Variants in PLAAT2 observed in about 807,000 individuals in gnomAD.
PLAAT2 encodes the protein HRAS like suppressor 2.
Under a neutral mutation model 12.8 loss-of-function variants are expected in PLAAT2, and 12 were observed. The observed-to-expected ratio is 0.94, with a 90% CI of 0.60 to 1.52. PLAAT2 has a LOEUF of 1.52. Among genes scored for constraint, PLAAT2 ranks in the 40% most tolerant of loss-of-function variants. The pLI, the probability that PLAAT2 is intolerant of heterozygous loss-of-function variation, is 0.00. For missense variants in PLAAT2, 166 were observed against 208.1 expected, an observed-to-expected ratio of 0.80 and a Z score of 1.24; for synonymous variants, 79 against 86.8, an observed-to-expected ratio of 0.91 and a Z score of 0.50.
upstream of PLAAT2, among the ~76,000 whole-genome samples, chr11:63,563,715 C>CAAAAAAAA (rs35852892): frequency 5.3e-5 from 3 of 56,112 alleles, no homozygotes; most frequent in Non-Finnish European, 1.1e-4. Flanking sequence ...GAGACTCAGT[C>CAAAAAAAA]AAAAAAAAAA....
intron 2 of PLAAT2, among the ~76,000 whole-genome samples, chr11:63,559,865 C>G (rs537915434): frequency 6.6e-6 from 1 of 152,214 alleles, no homozygotes; most frequent in African/African-American, 2.4e-5. Flanking sequence ...CAGACTGAAC[C>G]CCACTCTATA....
intron 3 of PLAAT2, among the ~76,000 whole-genome samples, chr11:63,558,097 G>A (rs561841158): frequency 3.1e-4 from 47 of 152,222 alleles, no homozygotes; most frequent in African/African-American, 9.6e-4. Context: ...TTCCCCATCT[G>A]TAAAGTGGGA....
chr11:63,556,085 G>C (rs61929706), intron 3 of PLAAT2, among the ~76,000 whole-genome samples: 2 of 152,208 alleles, frequency 1.3e-5, no homozygotes, highest in Non-Finnish European at 2.9e-5. Flanking sequence ...TCATCTATTA[G>C]AGCAGGGGCT....
chr11:63,563,726 A>C (rs1046744956), upstream of PLAAT2, among the ~76,000 whole-genome samples: 2 of 151,678 alleles, frequency 1.3e-5, no homozygotes, highest in African/African-American at 2.4e-5. Flanking sequence ...AAAAAAAAAA[A>C]AAAAAAAAAA....
At position 63,560,103 on chromosome 11, in the gene PLAAT2, C is replaced by T. The variant is rs143565289; in HGVS notation, c.100G>A (p.Val34Ile). ...WAIYVGDGYV[V>I]HLAPASEIAG... ...TCCTTACTTGCCGGAGCCAGATGGA[C>T]CACATAGCCATCTCCCACGTAGATG... Residue 34 changes from valine (V) to isoleucine (I), a missense_variant, in exon 2 of 4, where the codon GTC becomes ATC. Coordinates refer to ENST00000255695, the MANE Select transcript of PLAAT2 (RefSeq NM_017878.2). 1.9e-6 allele frequency: 3 copies of T among 1,611,020 alleles called. No homozygotes were observed. The African/African-American group carries it at 4.0e-5, about 22-fold the overall frequency.
Position 63,563,371 on chromosome 11 carries a change from C to G in PLAAT2, c.-47G>C. The G allele has an allele frequency of 1.9e-6, 3 of 1,613,364 alleles. No individual in the cohort carries two copies. The highest frequency in any genetic ancestry group is 1.7e-6 in the Non-Finnish European group (2 of 1,179,372). On this transcript the variant is annotated 5_prime_UTR_variant, in exon 1 of 4. Coordinates refer to ENST00000255695, the MANE Select transcript of PLAAT2 (RefSeq NM_017878.2). ...TGTGTGTTGCTGACTCTGTGTCCAG[C>G]CTTAAATTAGCTCTGAGTTTCACTT...
chr11:63,557,594 A>C (rs2017477274), intron 3 of PLAAT2, among the ~76,000 whole-genome samples: 1 of 152,166 alleles, frequency 6.6e-6, no homozygotes, highest in South Asian at 2.1e-4. Flanking sequence ...CCCATGGGTC[A>C]AATCCAACCT....
At chr11:63,561,955 C>T (rs1247804109) in intron 1 of PLAAT2, among the ~76,000 whole-genome samples, 1 of 151,956 alleles carries the variant, frequency 6.6e-6, no homozygotes, top group Non-Finnish European at 1.5e-5. Context: ...TTTTTAAAAA[C>T]ACTAGGCATC....
At chr11:63,563,181 C>T (rs1030514214) in intron 1 of PLAAT2, 135 bp downstream of exon 1, 5 of 1,003,356 alleles carry the variant, frequency 5.0e-6, no homozygotes, top group Admixed American at 2.1e-5. Context: ...CTGAGAGAGC[C>T]AGACCCCCAG....
In PLAAT2 at chr11:63,560,071, G is replaced by A; in HGVS notation, c.118+14C>T. 1 of 1,556,372 alleles carries A rather than the reference G, an allele frequency of 6.4e-7. No homozygotes were observed. The highest frequency in any genetic ancestry group is 8.9e-7 in the Non-Finnish European group (1 of 1,129,220). On this transcript the variant is annotated intron_variant, in intron 2 of 3. Transcript: ENST00000255695. ...ATCTTAACCCTTGTGCTTAAAAAGA[G>A]AACCCATCCTTACTTGCCGGAGCCA...
intron 1 of PLAAT2, among the ~76,000 whole-genome samples, chr11:63,560,656 C>G (rs933522107): frequency 6.6e-6 from 1 of 152,102 alleles, no homozygotes. Context: ...CAGAGGCAGG[C>G]GGACACTTGA....
At chr11:63,560,507 C>T (rs1174525643) in intron 1 of PLAAT2, among the ~76,000 whole-genome samples, 1 of 152,148 alleles carries the variant, frequency 6.6e-6, no homozygotes, top group African/African-American at 2.4e-5. Context: ...ATTTTATGCA[C>T]AGAGTATGTT....
chr11:63,554,288 C>G (rs1395033604), intron 3 of PLAAT2, among the ~76,000 whole-genome samples: 6 of 152,072 alleles, frequency 3.9e-5, no homozygotes, highest in African/African-American at 1.2e-4. Flanking sequence ...GGTAGTGATT[C>G]TAATTCCTAC....
intron 3 of PLAAT2, among the ~76,000 whole-genome samples, chr11:63,553,470 A>G (rs555987311): frequency 6.6e-6 from 1 of 150,714 alleles, no homozygotes; most frequent in East Asian, 2.0e-4. Flanking sequence ...TGAGACCCCC[A>G]TCTCTACAAA....
At chr11:63,553,693 C>T (rs2017439378) in intron 3 of PLAAT2, among the ~76,000 whole-genome samples, 5 of 152,118 alleles carry the variant, frequency 3.3e-5, no homozygotes, top group Admixed American at 2.0e-4. Context: ...TAGTAAACCC[C>T]CAGCAAGGAC....
chr11:63,562,112 T>C (rs968477291), intron 1 of PLAAT2, among the ~76,000 whole-genome samples: 1 of 152,210 alleles, frequency 6.6e-6, no homozygotes, highest in Non-Finnish European at 1.5e-5. Context: ...ACTTGTAAGG[T>C]AGCCATATAT....
chr11:63,558,737 G>C lies in PLAAT2; in HGVS notation c.119-77C>G, dbSNP rs746986423. 20 of 1,536,024 alleles carry C rather than the reference G, an allele frequency of 1.3e-5. No individual in the cohort carries two copies. The African/African-American group carries it at 2.2e-4, about 17-fold the overall frequency. ...GGAAGCCAAGCAGCCTCATCGCCCC[G>C]AGCACCATCAAGGAGGAGCAGCTGT... is the stretch of plus-strand genomic sequence containing the variant. On this transcript the variant is annotated intron_variant, in intron 2 of 3. Transcript: ENST00000255695.
intron 3 of PLAAT2, among the ~76,000 whole-genome samples, chr11:63,554,381 C>T (rs1217166326): frequency 1.3e-5 from 2 of 151,400 alleles, no homozygotes; most frequent in African/African-American, 4.9e-5. Flanking sequence ...CCTGTAATCC[C>T]AGCATTTTGG....
Position 63,552,793 on chromosome 11 carries a change from T to A in PLAAT2, c.*171A>T. 2 of 586,330 alleles carry A rather than the reference T, an allele frequency of 3.4e-6. No individual in the cohort carries two copies. Among genetic ancestry groups the A allele is most frequent in the East Asian group, 5.8e-5 (2 of 34,508 alleles). The allele number at this position is 586,330 out of a possible 1,614,324, so 36.3% of individuals were successfully genotyped here. On this transcript the variant is annotated 3_prime_UTR_variant, in exon 4 of 4. Coordinates refer to ENST00000255695, the MANE Select transcript of PLAAT2 (RefSeq NM_017878.2). ...TAGCAGAGCCCAATTGTGTCTTTAA[T>A]AGAATTCATACTAAGCTGCATTTCC... is the stretch of plus-strand genomic sequence containing the variant.
Sources: allele counts gnomAD v4.1 joint callset (sites outside exome capture counted in the v4.1 genomes callset), GRCh38; gene constraint gnomAD v4.1.1; transcripts MANE v1.5; gene names NCBI Gene and HGNC (gene_info 2026-07-23, HGNC 2026-07-21).